The following NTM variants were observed in gnomAD, a reference collection of about 807,000 sequenced individuals.
NTM encodes IgLON family member 2.
Under a neutral mutation model 42.1 loss-of-function variants are expected in NTM, and 13 were observed. The ratio of observed to expected loss-of-function variants is 0.31; its 90% confidence interval spans 0.20 to 0.49. The LOEUF is 0.49. NTM is among the 20% of genes least tolerant of loss of function. The pLI, the probability that NTM is intolerant of heterozygous loss-of-function variation, is 0.99. For missense variants in NTM, 373 were observed against 452.8 expected (o/e 0.82, Z 1.60); for synonymous variants, 187 against 179.2 (o/e 1.04, Z -0.35).
intron 1 of NTM, among the ~76,000 whole-genome samples, chr11:131,896,341 T>A (rs1272986035): frequency 2.0e-5 from 3 of 152,162 alleles, no homozygotes; most frequent in Non-Finnish European, 4.4e-5. Context: ...TGATTGATAA[T>A]AATATAAATG....
chr11:131,545,733 A>C (rs1474232869), intron 1 of NTM, among the ~76,000 whole-genome samples: 2 of 152,186 alleles, frequency 1.3e-5, no homozygotes, highest in Non-Finnish European at 2.9e-5. Flanking sequence ...TATTAGCGAA[A>C]CTTCCTAAAG....
intron 3 of NTM, among the ~76,000 whole-genome samples, chr11:132,197,174 T>G (rs565814471): frequency 2.6e-5 from 4 of 152,184 alleles, no homozygotes; most frequent in African/African-American, 9.6e-5. Flanking sequence ...GTAAGGTAAG[T>G]AGAGAATAAG....
intron 4 of NTM, among the ~76,000 whole-genome samples, chr11:132,225,512 G>A (rs78701586): frequency 9.9e-4 from 151 of 152,186 alleles, no homozygotes; most frequent in African/African-American, 3.4e-3. Context: ...CATTTGGTGC[G>A]TATGAAGAAC....
Position 131,749,308 on chromosome 11 carries a change from A to C in NTM, c.83-162256A>C, listed in dbSNP as rs974184156. Among the ~76,000 whole-genome samples, 12 of 152,342 alleles carry C rather than the reference A, an allele frequency of 7.9e-5. No individual in the cohort carries two copies. In the East Asian group the frequency reaches 2.1e-3, roughly 27 times the overall value. ...AAGCCACACTTTCCTGGCATGTAAT[A>C]AGGGAATGATACAGATATCCACTCC... On this transcript the variant is annotated intron_variant, in intron 1 of 8. Transcript: ENST00000683400.
At chr11:131,375,323 T>G (rs1320736483) in intron 1 of NTM, among the ~76,000 whole-genome samples, 2 of 152,248 alleles carry the variant, frequency 1.3e-5, no homozygotes, top group African/African-American at 4.8e-5. Flanking sequence ...TTTATGCAGT[T>G]TACTTCCTTT....
At chr11:131,571,677 T>A (rs1225532845) in intron 1 of NTM, among the ~76,000 whole-genome samples, 1 of 152,262 alleles carries the variant, frequency 6.6e-6, no homozygotes, top group Non-Finnish European at 1.5e-5. Context: ...TCCTTCTGTT[T>A]ATGTTCTTTG....
At chr11:131,981,817 C>T (rs1260683245) in intron 2 of NTM, among the ~76,000 whole-genome samples, 3 of 151,938 alleles carry the variant, frequency 2.0e-5, no homozygotes, top group African/African-American at 4.8e-5. Flanking sequence ...TCAAGACCAG[C>T]GTGGTCAACA....
At chr11:131,617,205 G>A (rs1007945559) in intron 1 of NTM, among the ~76,000 whole-genome samples, 8 of 152,120 alleles carry the variant, frequency 5.3e-5, no homozygotes, top group African/African-American at 1.9e-4. Context: ...GCTTGGGAAT[G>A]TTGCAGAGAG....
chr11:131,914,024 A>G (rs1262781940), intron 2 of NTM, among the ~76,000 whole-genome samples: 3 of 152,140 alleles, frequency 2.0e-5, no homozygotes, highest in Non-Finnish European at 4.4e-5. Flanking sequence ...GATGCGCTAG[A>G]ACAAGGAAGG....
chr11:132,114,476 G>A (rs2063618143), intron 2 of NTM, among the ~76,000 whole-genome samples: 1 of 152,282 alleles, frequency 6.6e-6, no homozygotes, highest in East Asian at 1.9e-4. Flanking sequence ...GACTATGACA[G>A]TAATTATATC....
chr11:131,598,914 TCC>T lies in NTM; in HGVS notation c.82+228027_82+228028del, dbSNP rs2060209107. 2.9e-5 allele frequency among the ~76,000 whole-genome samples: 4 copies of T among 138,898 alleles called. 1 individual carries two copies. The highest frequency in any genetic ancestry group is 1.1e-4 in the African/African-American group (4 of 35,066). 91.1% of individuals were successfully genotyped at this position (138,898 alleles called of 152,430 possible). Reference sequence around the variant, plus strand: ...TTCCTTCCTTCCTTCCTTCCTTCCTTCCTTCCTTCTTTCCTTTCAGACAGAGT... The same window carrying T: ...TTCCTTCCTTCCTTCCTTCCTTCCTTTTCCTTCTTTCCTTTCAGACAGAGT... On this transcript the variant is annotated intron_variant, in intron 1 of 8. Transcript: ENST00000683400.
intron 4 of NTM, among the ~76,000 whole-genome samples, chr11:132,238,036 T>C (rs1385633179): frequency 6.6e-6 from 1 of 152,188 alleles, no homozygotes; most frequent in Non-Finnish European, 1.5e-5. Context: ...GACCAATTGT[T>C]TTACAGCAGA....
intron 2 of NTM, among the ~76,000 whole-genome samples, chr11:132,092,391 G>A (rs2060476769): frequency 6.6e-6 from 1 of 152,140 alleles, no homozygotes; most frequent in Non-Finnish European, 1.5e-5. Context: ...CACTGGCTCT[G>A]CTCTTGTTCT....
At chr11:131,573,160 A>G (rs1243337822) in intron 1 of NTM, among the ~76,000 whole-genome samples, 1 of 152,196 alleles carries the variant, frequency 6.6e-6, no homozygotes, top group African/African-American at 2.4e-5. Context: ...CAACTGGTAA[A>G]GTCTGACCTG....
At chr11:131,639,933 GT>G (rs1327650788) in intron 1 of NTM, among the ~76,000 whole-genome samples, 1 of 151,944 alleles carries the variant, frequency 6.6e-6, no homozygotes, top group African/African-American at 2.4e-5. Flanking sequence ...TCCAGCCTGG[GT>G]GACAGAGCGA....
chr11:131,708,388 C>G lies in NTM; in HGVS notation c.83-203176C>G, dbSNP rs184781354. ...GCCTCTGTTTGTCTCATGAATTGGT[C>G]AAGGTTAGAAAAATATTGACTTCAT... On this transcript the variant is annotated intron_variant, in intron 1 of 8. Coordinates refer to ENST00000683400, the MANE Select transcript of NTM (RefSeq NM_001352005.2). 1.6e-3 allele frequency among the ~76,000 whole-genome samples: 249 copies of G among 152,072 alleles called. 1 individual carries two copies. Among genetic ancestry groups the G allele is most frequent in the African/African-American group, 5.7e-3 (236 of 41,520 alleles).
intron 2 of NTM, among the ~76,000 whole-genome samples, chr11:132,086,323 C>CAAAAAAAA (rs71067358): frequency 1.0e-5 from 1 of 98,970 alleles, no homozygotes; most frequent in Non-Finnish European, 2.0e-5. Context: ...GACTCCATGT[C>CAAAAAAAA]AAAAAAAAAA....
intron 1 of NTM, among the ~76,000 whole-genome samples, chr11:131,600,649 A>G (rs1193168330): frequency 6.6e-6 from 1 of 152,212 alleles, no homozygotes; most frequent in African/African-American, 2.4e-5. Flanking sequence ...GAATGTAAAT[A>G]TCCTGCCTAC....
chr11:132,083,313 G>A (rs928068638), intron 2 of NTM, among the ~76,000 whole-genome samples: 4 of 152,240 alleles, frequency 2.6e-5, no homozygotes, highest in Non-Finnish European at 5.9e-5. Flanking sequence ...AAAACAAATA[G>A]TGATAGGACT....
Sources: gnomAD v4.1 joint callset for allele counts (sites outside exome capture counted in the v4.1 genomes callset) on GRCh38, gnomAD v4.1.1 for gene constraint, MANE v1.5 for transcripts, NCBI Gene and HGNC (gene_info 2026-07-23, HGNC 2026-07-21) for gene names.